ATAD1: variants seen among roughly 807,000 people sequenced by gnomAD.
ATAD1 encodes the protein ATPase family AAA domain containing 1, also known as outer mitochondrial transmembrane helix translocase.
A neutral mutation model predicts 42.7 loss-of-function variants in ATAD1; 18 were observed. The observed-to-expected ratio is 0.42, with a 90% CI of 0.29 to 0.63. The LOEUF (loss-of-function observed/expected upper bound fraction) is 0.63, where lower values mean the gene tolerates loss of function less well. ATAD1 is among the 20% of genes least tolerant of loss of function. The pLI is 0.19. For missense variants in ATAD1, 294 were observed against 440.4 expected, an observed-to-expected ratio of 0.67 and a Z score of 2.98; for synonymous variants, 132 against 143.1, an observed-to-expected ratio of 0.92 and a Z score of 0.55.
At chr10:87,828,946 T>C (rs1857777548) in intron 1 of ATAD1, among the ~76,000 whole-genome samples, 1 of 152,240 alleles carries the variant, frequency 6.6e-6, no homozygotes, top group Non-Finnish European at 1.5e-5. Flanking sequence ...TATTGAGACC[T>C]ACTGTTCAGA....
intron 2 of ATAD1, among the ~76,000 whole-genome samples, chr10:87,812,874 T>C (rs1418340588): frequency 6.6e-6 from 1 of 152,218 alleles, no homozygotes; most frequent in Non-Finnish European, 1.5e-5. Context: ...AGCTCTTTCA[T>C]GAAGCCATCT....
At chr10:87,759,529 C>G (rs950518957) in intron 8 of ATAD1, among the ~76,000 whole-genome samples, 3 of 152,206 alleles carry the variant, frequency 2.0e-5, no homozygotes, top group Admixed American at 2.0e-4. Flanking sequence ...CCAACACTTC[C>G]TCCTGTCTTT....
Position 87,754,601 on chromosome 10 carries a change from A to G in ATAD1, c.*86T>C. The G allele has an allele frequency of 1.4e-6, 2 of 1,446,214 alleles. No homozygotes were observed. The highest frequency in any genetic ancestry group is 1.9e-6 in the Non-Finnish European group (2 of 1,073,592). 89.6% of individuals were successfully genotyped at this position (1,446,214 alleles called of 1,614,324 possible). On this transcript the variant is annotated 3_prime_UTR_variant, in exon 10 of 10. Transcript: ENST00000680024. ...AAACACTGAGCTCCCTCATTGTTTA[A>G]AGAGCACTCTTTCCGTTCTATTTCC... is the stretch of plus-strand genomic sequence containing the variant.
At position 87,812,923 on chromosome 10, in the gene ATAD1, A is replaced by T. The variant is rs952245011; in HGVS notation, c.162+1515T>A. Among the ~76,000 whole-genome samples the T allele has an allele frequency of 3.9e-5, 6 of 152,218 alleles. 1 individual carries two copies. The highest frequency in any genetic ancestry group is 1.4e-4 in the African/African-American group (6 of 41,450). Reference sequence around the variant, plus strand: ...TCACTGGTGACTACTATTTTCTCTAAGAGCCACAGTTTCTGTCTACACTAC... The same window carrying T: ...TCACTGGTGACTACTATTTTCTCTATGAGCCACAGTTTCTGTCTACACTAC... On this transcript the variant is annotated intron_variant, in intron 2 of 9. Transcript: ENST00000680024.
At chr10:87,830,724 T>C (rs1028459737) in intron 1 of ATAD1, among the ~76,000 whole-genome samples, 14 of 152,248 alleles carry the variant, frequency 9.2e-5, no homozygotes, top group Non-Finnish European at 2.1e-4. Context: ...TCCAATTTAT[T>C]GTTAATTCCA....
intron 2 of ATAD1, among the ~76,000 whole-genome samples, chr10:87,799,976 T>C (rs923966422): frequency 6.6e-6 from 1 of 151,758 alleles, no homozygotes; most frequent in Non-Finnish European, 1.5e-5. Context: ...GACTCTTATA[T>C]GGTAAATTTA....
At chr10:87,831,174 A>G (rs1157946727) in intron 1 of ATAD1, among the ~76,000 whole-genome samples, 2 of 152,248 alleles carry the variant, frequency 1.3e-5, no homozygotes, top group Non-Finnish European at 2.9e-5. Flanking sequence ...ACTAGGACAG[A>G]CACCATAAAC....
In ATAD1 at chr10:87,818,170, G is replaced by A. The variant is rs890330861; in HGVS notation, c.-17C>T. On this transcript the variant is annotated 5_prime_UTR_variant, in exon 1 of 10. Coordinates refer to ENST00000680024, the MANE Select transcript of ATAD1 (RefSeq NM_001321967.2). ...CCCACGGGAACCAGCTACTCACCCA[G>A]GGGCAGAAACAGCAAGAGCAAGTGC... The A allele has an allele frequency of 2.0e-6, 2 of 985,686 alleles. No homozygotes were observed. The highest frequency in any genetic ancestry group is 1.7e-5 in the African/African-American group (1 of 57,380). The allele number at this position is 985,686 out of a possible 1,614,324, so 61.1% of individuals were successfully genotyped here.
At chr10:87,789,322 G>A (rs1024484525) in intron 4 of ATAD1, among the ~76,000 whole-genome samples, 50 of 152,122 alleles carry the variant, frequency 3.3e-4, no homozygotes, top group African/African-American at 1.0e-3. Context: ...AAGCTATCTC[G>A]TGAAATTTGG....
intron 1 of ATAD1, among the ~76,000 whole-genome samples, chr10:87,823,892 G>A (rs183713840): frequency 2.6e-5 from 4 of 152,222 alleles, no homozygotes; most frequent in Admixed American, 1.3e-4. Context: ...CCTCCCACCC[G>A]TTTCTCTAAT....
intron 1 of ATAD1, among the ~76,000 whole-genome samples, chr10:87,824,053 C>G (rs1182429532): frequency 3.3e-5 from 5 of 149,776 alleles, no homozygotes; most frequent in Admixed American, 6.6e-5. Flanking sequence ...TGGCATAGTA[C>G]TCAGCTCACA....
chr10:87,829,268 T>TATTA (rs1166646285), intron 1 of ATAD1, among the ~76,000 whole-genome samples: 10 of 150,624 alleles, frequency 6.6e-5, no homozygotes, highest in Admixed American at 2.6e-4. Context: ...TTTATTTATT[T>TATTA]ATTATGAGAT....
At chr10:87,777,351 A>G (rs1412108835) in intron 5 of ATAD1, among the ~76,000 whole-genome samples, 1 of 152,230 alleles carries the variant, frequency 6.6e-6, no homozygotes, top group Non-Finnish European at 1.5e-5. Context: ...GATTTAAAAC[A>G]TATATGCTGG....
chr10:87,818,349 A>G, upstream of ATAD1: 6 of 748,048 alleles, frequency 8.0e-6, no homozygotes, highest in Non-Finnish European at 9.8e-6. Context: ...GAGGGAGAGC[A>G]AATTCGCGCA....
chr10:87,827,606 T>A (rs1179094614), intron 1 of ATAD1, among the ~76,000 whole-genome samples: 1 of 152,190 alleles, frequency 6.6e-6, no homozygotes, highest in Non-Finnish European at 1.5e-5. Context: ...CTATTGTGAT[T>A]GTTCTGGGCA....
rs904635294 is a variant in ATAD1, at chr10:87,752,147, G to A, written c.*2540C>T. The A allele has an allele frequency of 6.6e-6, 1 of 151,768 alleles. No homozygotes were observed. The highest frequency in any genetic ancestry group is 6.6e-5 in the Admixed American group (1 of 15,234). The allele number at this position is 151,768 out of a possible 1,614,324, so 9.4% of individuals were successfully genotyped here. On this transcript the variant is annotated 3_prime_UTR_variant, in exon 10 of 10. Transcript: ENST00000680024. ...AGATTAAAAGGAGAAACATAGTAAA[G>A]GAGATACTAAATTGATTCAAATACT...
At chr10:87,823,217 AATTT>A (rs1185136963), upstream of ATAD1, among the ~76,000 whole-genome samples, 1 of 152,150 alleles carries the variant, frequency 6.6e-6, no homozygotes, top group Non-Finnish European at 1.5e-5. Flanking sequence ...AGTTATATAT[AATTT>A]TCTTGTGTTA....
chr10:87,780,418 C>G (rs555902366), intron 5 of ATAD1, among the ~76,000 whole-genome samples: 2 of 152,152 alleles, frequency 1.3e-5, no homozygotes, highest in East Asian at 3.9e-4. Context: ...AAGAATGAAC[C>G]TTAAACTATG....
intron 9 of ATAD1, 130 bp downstream of exon 9, chr10:87,756,658 AG>A (rs1854235589): frequency 1.2e-6 from 1 of 833,010 alleles, no homozygotes. Context: ...ATAAAGTTGC[AG>A]GGGGTGATAA....
Sources: allele counts gnomAD v4.1 joint callset (sites outside exome capture counted in the v4.1 genomes callset), GRCh38; gene constraint gnomAD v4.1.1; transcripts MANE v1.5; gene names NCBI Gene and HGNC (gene_info 2026-07-23, HGNC 2026-07-21).